The following ADAMTS6 variants were observed in gnomAD, a reference collection of about 807,000 sequenced individuals.
The protein encoded by ADAMTS6 is A disintegrin and metalloproteinase with thrombospondin motifs 6.
A neutral mutation model predicts 144.3 loss-of-function variants in ADAMTS6; 23 were observed. The observed-to-expected ratio is 0.16, with a 90% CI of 0.11 to 0.23. ADAMTS6 has a LOEUF of 0.23. Among genes scored for constraint, ADAMTS6 ranks in the 10% least tolerant of loss-of-function variants. The pLI is 1.00. For synonymous variants in ADAMTS6, 444 were observed against 457.5 expected (o/e 0.97, Z 0.38); for missense variants, 999 against 1,379.6 (o/e 0.72, Z 4.37).
At chr5:65,391,459 T>C (rs1431400451) in intron 7 of ADAMTS6, among the ~76,000 whole-genome samples, 1 of 151,768 alleles carries the variant, frequency 6.6e-6, no homozygotes, top group African/African-American at 2.4e-5. Flanking sequence ...CACTTTTTTT[T>C]CTCAACTATT....
At chr5:65,332,530 A>G (rs993697203) in intron 8 of ADAMTS6, among the ~76,000 whole-genome samples, 5 of 151,964 alleles carry the variant, frequency 3.3e-5, no homozygotes, top group Admixed American at 6.6e-5. Context: ...GGTAAGTTTA[A>G]AAGAATAGGC....
At chr5:65,380,065 T>C (rs1262459621) in intron 7 of ADAMTS6, among the ~76,000 whole-genome samples, 1 of 152,042 alleles carries the variant, frequency 6.6e-6, no homozygotes, top group East Asian at 1.9e-4. Context: ...AGTAATAAAA[T>C]AGGCCATGGT....
At chr5:65,226,267 G>C (rs774297889) in intron 15 of ADAMTS6, 48 bp from the exon 16 acceptor site, 1 of 1,592,352 alleles carries the variant, frequency 6.3e-7, no homozygotes, top group South Asian at 1.1e-5. Flanking sequence ...TTGTCCTAAT[G>C]AACAGTGATT....
chr5:65,280,950 A>C (rs1762940479), intron 11 of ADAMTS6, among the ~76,000 whole-genome samples: 1 of 152,208 alleles, frequency 6.6e-6, no homozygotes, highest in Admixed American at 6.5e-5. Context: ...ACTAAAACTG[A>C]ATCCCCATCA....
rs191933448 is a variant in ADAMTS6, at chr5:65,266,832, A to G, written c.1621-3870T>C. On this transcript the variant is annotated intron_variant, in intron 12 of 24. Transcript: ENST00000381055. ...ATTTATAAAAATGGATCTCTTTATA[A>G]TTATGGCTACTTTTCTCCTTTGGTA... Among the ~76,000 whole-genome samples the G allele has an allele frequency of 2.2e-4, 34 of 152,014 alleles. 1 individual carries two copies. The South Asian group carries it at 3.3e-3, about 15-fold the overall frequency.
At chr5:65,427,517 G>A (rs1756642735) in intron 7 of ADAMTS6, among the ~76,000 whole-genome samples, 1 of 152,154 alleles carries the variant, frequency 6.6e-6, no homozygotes, top group African/African-American at 2.4e-5. Context: ...GCTAAATGCA[G>A]GTATGAGTCA....
chr5:65,162,513 A>G (rs575966226), intron 24 of ADAMTS6, among the ~76,000 whole-genome samples: 1 of 152,178 alleles, frequency 6.6e-6, no homozygotes, highest in South Asian at 2.1e-4. Context: ...TGACTCTACT[A>G]CTTCCTAATC....
At chr5:65,211,903 A>G (rs1756555284) in intron 20 of ADAMTS6, among the ~76,000 whole-genome samples, 1 of 152,196 alleles carries the variant, frequency 6.6e-6, no homozygotes, top group Non-Finnish European at 1.5e-5. Context: ...TTGGGCCCCT[A>G]CTATGTTTCG....
intron 7 of ADAMTS6, among the ~76,000 whole-genome samples, chr5:65,409,363 T>C (rs1382031429): frequency 1.3e-5 from 2 of 152,072 alleles, no homozygotes; most frequent in African/African-American, 2.4e-5. Context: ...GAGAATACTA[T>C]AAACACCTCT....
chr5:65,447,062 C>A (rs1193051494), intron 7 of ADAMTS6, among the ~76,000 whole-genome samples: 1 of 152,050 alleles, frequency 6.6e-6, no homozygotes, highest in Non-Finnish European at 1.5e-5. Context: ...AATGGAAAAA[C>A]CTGATTCCAA....
chr5:65,405,128 G>A (rs1288443497), intron 7 of ADAMTS6, among the ~76,000 whole-genome samples: 2 of 152,172 alleles, frequency 1.3e-5, no homozygotes, highest in Non-Finnish European at 2.9e-5. Flanking sequence ...TTCTTTTGCT[G>A]TGCAGAAGCT....
intron 7 of ADAMTS6, among the ~76,000 whole-genome samples, chr5:65,371,700 G>C (rs1296596703): frequency 6.6e-6 from 1 of 152,170 alleles, no homozygotes; most frequent in East Asian, 1.9e-4. Flanking sequence ...ACACTCTGCA[G>C]GATATTATCC....
At chr5:65,243,618 G>T (rs1424006482) in intron 14 of ADAMTS6, among the ~76,000 whole-genome samples, 2 of 151,976 alleles carry the variant, frequency 1.3e-5, no homozygotes. Context: ...AGGCTAGTAG[G>T]TGTATCAGGC....
chr5:65,206,314 G>A (rs1756080117), intron 20 of ADAMTS6, among the ~76,000 whole-genome samples: 1 of 152,200 alleles, frequency 6.6e-6, no homozygotes, highest in Non-Finnish European at 1.5e-5. Context: ...GTTCTGCAGT[G>A]CCCTTGGGCA....
At chr5:65,341,138 A>T (rs1747779887) in intron 7 of ADAMTS6, among the ~76,000 whole-genome samples, 1 of 152,016 alleles carries the variant, frequency 6.6e-6, no homozygotes, top group Non-Finnish European at 1.5e-5. Flanking sequence ...TAAGAATAAA[A>T]TTTTAAAATT....
intron 7 of ADAMTS6, among the ~76,000 whole-genome samples, chr5:65,440,188 G>A (rs1757759222): frequency 6.6e-6 from 1 of 152,172 alleles, no homozygotes; most frequent in African/African-American, 2.4e-5. Flanking sequence ...ACTCTCAAAA[G>A]TAAGACAGAA....
At chr5:65,366,473 GTTA>G (rs750421897) in intron 7 of ADAMTS6, among the ~76,000 whole-genome samples, 1 of 152,168 alleles carries the variant, frequency 6.6e-6, no homozygotes, top group Non-Finnish European at 1.5e-5. Flanking sequence ...GAACCAAGAA[GTTA>G]GTCACAATGC....
chr5:65,352,691 C>A (rs2150091752), intron 7 of ADAMTS6, among the ~76,000 whole-genome samples: 1 of 152,136 alleles, frequency 6.6e-6, no homozygotes, highest in South Asian at 2.1e-4. Flanking sequence ...GTGCAGGATA[C>A]CACAGAGCAT....
chr5:65,388,398 A>G (rs185452829), intron 7 of ADAMTS6, among the ~76,000 whole-genome samples: 30 of 152,296 alleles, frequency 2.0e-4, no homozygotes, highest in African/African-American at 6.5e-4. Flanking sequence ...GGATGAAGTT[A>G]TAACACTGAA....
Sources: gnomAD v4.1 joint callset for allele counts (sites outside exome capture counted in the v4.1 genomes callset) on GRCh38, gnomAD v4.1.1 for gene constraint, MANE v1.5 for transcripts, NCBI Gene and HGNC (gene_info 2026-07-23, HGNC 2026-07-21) for gene names.